GCC2: variants seen among roughly 807,000 people sequenced by gnomAD.
The protein encoded by GCC2 is GRIP and coiled-coil domain containing 2, also known as GRIP and coiled-coil domain-containing protein 2.
GCC2 carries 120 observed loss-of-function variants against 210.6 expected under a neutral mutation model. The ratio of observed to expected loss-of-function variants is 0.57; its 90% CI spans 0.49 to 0.66. The LOEUF is 0.66. Among genes scored for constraint, GCC2 ranks in the 30% least tolerant of loss-of-function variants. GCC2 has a pLI of 0.00. For missense variants in GCC2, 1,868 were observed against 1,871.9 expected, an observed-to-expected ratio of 1.00 and a Z score of 0.04; for synonymous variants, 703 against 652.7, an observed-to-expected ratio of 1.08 and a Z score of -1.17.
rs957837486 is a variant in GCC2 at position 108,473,504 on chromosome 2, A to T, written c.2860+605A>T. Among the ~76,000 whole-genome samples the T allele has an allele frequency of 2.6e-5, 4 of 152,300 alleles. No individual in the cohort carries two copies. The East Asian group carries it at 7.7e-4, about 29-fold the overall frequency. The stretch of plus-strand genomic sequence containing the variant: ...GGAGCCTGATCATAAACACACTAGT[A>T]TGATTGATATGCAGAGGAGTTAGGA... On this transcript the variant is annotated intron_variant, in intron 7 of 22. Transcript: ENST00000309863.
Position 108,490,030 on chromosome 2 carries a change from G to A in GCC2, c.4229+16G>A, listed in dbSNP as rs756213147. On this transcript the variant is annotated intron_variant, in intron 18 of 22. Transcript: ENST00000309863. Reference sequence around the variant, plus strand: ...TCCGGGAAAAGTAAGACTGTTAGCAGCACTAACGCTGTACCAGACAGCAAT... The same window carrying A: ...TCCGGGAAAAGTAAGACTGTTAGCAACACTAACGCTGTACCAGACAGCAAT... 3 of 1,571,938 alleles carry A rather than the reference G, an allele frequency of 1.9e-6. No homozygotes were observed. The highest frequency in any genetic ancestry group is 2.3e-5 in the East Asian group (1 of 43,158).
chr2:108,489,895 T>C lies in GCC2; in HGVS notation c.4110T>C (p.Asn1370=), dbSNP rs1394727280. The C allele has an allele frequency of 6.2e-7, 1 of 1,610,428 alleles. No individual in the cohort carries two copies. Among genetic ancestry groups the C allele is most frequent in the Admixed American group, 1.7e-5 (1 of 59,292 alleles). Residue 1370 remains asparagine (N), a synonymous_variant, in exon 18 of 23, where the codon AAT becomes AAC. Transcript: ENST00000309863. ...QLKIKLQDSQ[N]NLQINVSELQ... is the part of the protein sequence containing the mutation. ...AAATCAAATTACAAGATAGCCAAAA[T>C]AACTTACAGATTAATGTATCTGAAC...
At position 108,492,640 on chromosome 2, in the gene GCC2, AC is replaced by A. The variant is rs1682461479; in HGVS notation, c.4298del (p.Thr1433AsnfsTer59). The A allele has an allele frequency of 6.2e-7, 1 of 1,613,828 alleles. No homozygotes were observed. The highest frequency in any genetic ancestry group is 8.5e-7 in the Non-Finnish European group (1 of 1,179,780). ...SEHTQTVSQLTSQNEVLRNSF... is the reference protein window; with the variant it reads ...SEHTQTVSQLXSQNEVLRNSF... ...ACATACACAGACTGTGAGTCAGCTA[AC>A]ATCCCAGAACGAGGTCCTTCGAAAT... On this transcript the variant is annotated frameshift_variant, in exon 19 of 23. Transcript: ENST00000309863. LOFTEE classifies it high-confidence loss of function.
chr2:108,489,406 T>C (rs1682299060), intron 17 of GCC2, among the ~76,000 whole-genome samples: 1 of 152,084 alleles, frequency 6.6e-6, no homozygotes, highest in African/African-American at 2.4e-5. Context: ...TCCTAGCTAC[T>C]TGGGAGGCTG....
In GCC2 at chr2:108,470,020, CA is replaced by C. The variant is rs755348339; in HGVS notation, c.698del (p.Asn233IlefsTer12). ...NIIEANSQHY[Q>X]KNINSLQEEL... is the part of the protein sequence containing the mutation. ...CATTGAGGCTAATTCTCAGCATTAC[CA>C]AAAAAATATTAATAGTTTGCAGGAA... On this transcript the variant is annotated frameshift_variant, in exon 6 of 23. Transcript: ENST00000309863. LOFTEE classifies it high-confidence loss of function. 4 of 1,611,738 alleles carry C rather than the reference CA, an allele frequency of 2.5e-6. No homozygotes were observed. In the South Asian group the frequency reaches 3.3e-5, roughly 13 times the overall value.
At position 108,486,506 on chromosome 2, in the gene GCC2, C is replaced by A; in HGVS notation, c.3793-5C>A. ...CTAAAGCTAAATTTAAAGATTTACC[C>A]CCAGATACAGCTGGCTGAAATAACA... On this transcript the variant is annotated splice_polypyrimidine_tract_variant and splice_region_variant and intron_variant, in intron 15 of 22. Coordinates refer to ENST00000309863, the MANE Select transcript of GCC2 (RefSeq NM_181453.4). The A allele has an allele frequency of 6.2e-7, 1 of 1,613,870 alleles. No homozygotes were observed. Among genetic ancestry groups the A allele is most frequent in the African/African-American group, 1.3e-5 (1 of 75,020 alleles).
intron 22 of GCC2, among the ~76,000 whole-genome samples, chr2:108,502,076 G>A (rs527297065): frequency 3.3e-5 from 5 of 151,962 alleles, no homozygotes; most frequent in Non-Finnish European, 5.9e-5. Context: ...CTAATTTTAT[G>A]ATTATAAAAA....
In GCC2 at chr2:108,470,826, A is replaced by G; in HGVS notation, c.1497A>G (p.Gly499=). ...ILQTELGESA[G]KISQEFESMK... is the part of the protein sequence containing the mutation. Reference sequence around the variant, plus strand: ...AAACAGAACTGGGGGAATCTGCTGGAAAAATAAGTCAAGAGTTCGAATCAA... The same window carrying G: ...AAACAGAACTGGGGGAATCTGCTGGGAAAATAAGTCAAGAGTTCGAATCAA... The change falls in exon 6 of 23, where the codon GGA becomes GGG. Residue 499 remains glycine (G), a synonymous_variant. Coordinates refer to ENST00000309863, the MANE Select transcript of GCC2 (RefSeq NM_181453.4). 1 of 1,613,672 alleles carries G rather than the reference A, an allele frequency of 6.2e-7. No homozygotes were observed. The highest frequency in any genetic ancestry group is 8.5e-7 in the Non-Finnish European group (1 of 1,179,652).
At chr2:108,476,182 C>A (rs915756015) in intron 9 of GCC2, among the ~76,000 whole-genome samples, 30 of 151,296 alleles carry the variant, frequency 2.0e-4, no homozygotes, top group African/African-American at 7.1e-4. Context: ...GCCACAGGCT[C>A]CCGAGTAGCT....
At chr2:108,496,834 G>A (rs562447980) in intron 20 of GCC2, 136 bp from the exon 21 acceptor site, 33 of 1,206,540 alleles carry the variant, frequency 2.7e-5, no homozygotes, top group East Asian at 1.3e-4. Flanking sequence ...GAGGTATGCC[G>A]AATAGATGAA....
chr2:108,472,142 T>C (rs1159339521), intron 6 of GCC2, 26 bp downstream of exon 6: 1 of 1,386,210 alleles, frequency 7.2e-7, no homozygotes, highest in Non-Finnish European at 9.7e-7. Flanking sequence ...ATTCTATTGT[T>C]TCAAATAAAT....
At chr2:108,490,940 C>A (rs996241862) in intron 18 of GCC2, among the ~76,000 whole-genome samples, 2 of 152,100 alleles carry the variant, frequency 1.3e-5, no homozygotes, top group Non-Finnish European at 2.9e-5. Context: ...GTGCCAGTCA[C>A]TTTTCATAGC....
chr2:108,454,896 A>AC (rs1175751280), intron 4 of GCC2, among the ~76,000 whole-genome samples: 12 of 146,882 alleles, frequency 8.2e-5, no homozygotes, highest in African/African-American at 3.0e-4. Context: ...TTTCTGGGGG[A>AC]TTTTTTTTTT....
chr2:108,470,794 A>G lies in GCC2; in HGVS notation c.1465A>G (p.Ile489Val). The G allele has an allele frequency of 1.2e-6, 2 of 1,613,806 alleles. No homozygotes were observed. The highest frequency in any genetic ancestry group is 1.1e-5 in the South Asian group (1 of 90,996). Residue 489 changes from isoleucine to valine, a missense_variant, in exon 6 of 23, where the codon ATT (isoleucine) becomes GTT (valine). By Grantham distance (29) the Ile-to-Val change is conservative (BLOSUM62 3). This residue lies in a region of GCC2 where 1,847 missense variants were observed against 1,765.2 expected (regional missense o/e 1.05). Coordinates refer to ENST00000309863, the MANE Select transcript of GCC2 (RefSeq NM_181453.4). ...TGAGAGTTTACGAGAGATTATGGAA[A>G]TTTTACAAACAGAACTGGGGGAATC... ...NYESLREIME[I>V]LQTELGESAG...
In GCC2 at chr2:108,470,692, T is replaced by C; in HGVS notation, c.1363T>C (p.Leu455=). The C allele has an allele frequency of 6.2e-7, 1 of 1,609,908 alleles. No homozygotes were observed. Among genetic ancestry groups the C allele is most frequent in the Non-Finnish European group, 8.5e-7 (1 of 1,178,142 alleles). The part of the protein sequence containing the change: ...LSDSEKEKLT[L]MFEIQGLKEQ... ...AGATTCAGAAAAAGAAAAATTAACA[T>C]TAATGTTTGAAATACAGGGTCTTAA... Residue 455 remains leucine (L), a synonymous_variant, in exon 6 of 23, where the codon TTA becomes CTA. Coordinates refer to ENST00000309863, the MANE Select transcript of GCC2 (RefSeq NM_181453.4).
chr2:108,487,891 C>A, intron 17 of GCC2, 71 bp downstream of exon 17: 2 of 1,238,796 alleles, frequency 1.6e-6, no homozygotes, highest in Non-Finnish European at 2.3e-6. Flanking sequence ...GATTGAAAAT[C>A]CTATTATGAT....
In GCC2 at chr2:108,495,387, G is replaced by A; in HGVS notation, c.4544G>A (p.Gly1515Glu). ...LDMHTVTREE[G>E]EGMETTDTES... The stretch of plus-strand genomic sequence containing the variant: ...ATGCACACTGTAACCCGGGAAGAGG[G>A]AGAAGGCATGGAGACAACTGATACG... The change falls in exon 20 of 23, where the codon GGA (glycine) becomes GAA (glutamate). Residue 1515 changes from glycine to glutamate, a missense_variant. By Grantham distance (98) the Gly-to-Glu change is moderately conservative. This residue lies in a region of GCC2 where 1,847 missense variants were observed against 1,765.2 expected (regional missense o/e 1.05). Transcript: ENST00000309863. 1.3e-6 allele frequency: 2 copies of A among 1,576,682 alleles called. No individual in the cohort carries two copies. Among genetic ancestry groups the A allele is most frequent in the Non-Finnish European group, 1.7e-6 (2 of 1,161,878 alleles).
intron 13 of GCC2, chr2:108,484,845 C>T (rs1682049020): frequency 1.3e-5 from 2 of 152,048 alleles, no homozygotes; most frequent in Admixed American, 1.3e-4. Flanking sequence ...AGTTTGAAGT[C>T]ATGCTGCTAT....
Position 108,489,876 on chromosome 2 carries a change from A to G in GCC2, c.4091A>G (p.Lys1364Arg), listed in dbSNP as rs1175646405. 6.2e-7 allele frequency: 1 copy of G among 1,607,466 alleles called. No homozygotes were observed. Among genetic ancestry groups the G allele is most frequent in the African/African-American group, 1.3e-5 (1 of 74,776 alleles). The change falls in exon 18 of 23, where the codon AAA becomes AGA. Residue 1364 changes from lysine (K) to arginine (R), a missense_variant. This residue lies in a region of GCC2 where 1,847 missense variants were observed against 1,765.2 expected (regional missense o/e 1.05). Transcript: ENST00000309863. ...LEMLIDQLKI[K>R]LQDSQNNLQI... ...ATGCTGATTGACCAGCTAAAAATCA[A>G]ATTACAAGATAGCCAAAATAACTTA...
Sources: allele counts gnomAD v4.1 joint callset (sites outside exome capture counted in the v4.1 genomes callset), GRCh38; gene constraint gnomAD v4.1.1; regional missense constraint gnomAD v4.1.1; transcripts MANE v1.5; gene names NCBI Gene and HGNC (gene_info 2026-07-23, HGNC 2026-07-21).